Variants in MCU observed in about 807,000 individuals in gnomAD.
MCU encodes the protein calcium uniporter protein, mitochondrial.
In MCU, 12 loss-of-function variants were observed where a neutral mutation model predicts 45.2. That is an observed-to-expected ratio of 0.27 (90% CI 0.17 to 0.43). The LOEUF (loss-of-function observed/expected upper bound fraction) is 0.43. Ranked by LOEUF, MCU falls within the 20% of genes least tolerant of loss-of-function variation. The probability of loss-of-function intolerance (pLI) is 1.00; values close to 1 mark genes in which losing one functional copy is unlikely to be tolerated. For missense variants in MCU, 324 were observed against 436.7 expected (o/e 0.74, Z 2.30); for synonymous variants, 160 against 165.1 (o/e 0.97, Z 0.24).
At chr10:72,877,084 G>A (rs752001649) in intron 6 of MCU, among the ~76,000 whole-genome samples, 1 of 151,972 alleles carries the variant, frequency 6.6e-6, no homozygotes, top group Non-Finnish European at 1.5e-5. Context: ...ACCATGCCCA[G>A]CTAATTTTTT....
chr10:72,723,172 G>A lies in MCU; in HGVS notation c.150+30871G>A, dbSNP rs181505667. 2.1e-4 allele frequency among the ~76,000 whole-genome samples: 32 copies of A among 152,244 alleles called. No individual in the cohort carries two copies. The East Asian group carries it at 5.8e-3, about 28-fold the overall frequency. On this transcript the variant is annotated intron_variant, in intron 1 of 7. Coordinates refer to ENST00000373053, the MANE Select transcript of MCU (RefSeq NM_138357.3). ...GATTGGGCCACTGCACTCCAGCCTG[G>A]GCGACAGAGCGAGATTCTGTCTTAA...
chr10:72,790,976 G>T (rs1360253590), intron 1 of MCU, among the ~76,000 whole-genome samples: 1 of 152,104 alleles, frequency 6.6e-6, no homozygotes, highest in South Asian at 2.1e-4. Context: ...TGCTCTATTC[G>T]TATATAATTA....
chr10:72,717,447 C>T (rs577762459), intron 1 of MCU, among the ~76,000 whole-genome samples: 11 of 152,010 alleles, frequency 7.2e-5, no homozygotes, highest in Admixed American at 3.3e-4. Context: ...TTAGTAGAGA[C>T]GGGCTTTCAC....
At chr10:72,740,424 G>A (rs1453087002) in intron 1 of MCU, among the ~76,000 whole-genome samples, 2 of 151,724 alleles carry the variant, frequency 1.3e-5, no homozygotes, top group East Asian at 3.9e-4. Context: ...CTCACTTCTG[G>A]TGTGAACCTG....
intron 1 of MCU, among the ~76,000 whole-genome samples, chr10:72,803,083 G>A (rs1723008755): frequency 1.3e-5 from 2 of 152,076 alleles, no homozygotes; most frequent in African/African-American, 4.8e-5. Flanking sequence ...GAGAAGATAG[G>A]CTTAAAACAG....
At chr10:72,875,110 T>C (rs185120600) in intron 6 of MCU, among the ~76,000 whole-genome samples, 3 of 152,260 alleles carry the variant, frequency 2.0e-5, no homozygotes, top group Admixed American at 6.5e-5. Context: ...TGCCCAAACA[T>C]TATATCTAGT....
At chr10:72,712,764 A>C (rs1001119854) in intron 1 of MCU, among the ~76,000 whole-genome samples, 2 of 152,232 alleles carry the variant, frequency 1.3e-5, no homozygotes, top group African/African-American at 2.4e-5. Context: ...CTTTGAAGTC[A>C]TTGTTTTAAA....
At chr10:72,880,577 T>C (rs1208217794) in intron 6 of MCU, among the ~76,000 whole-genome samples, 1 of 152,038 alleles carries the variant, frequency 6.6e-6, no homozygotes, top group African/African-American at 2.4e-5. Context: ...TTCAGTACAA[T>C]CCCAGTTAGT....
chr10:72,822,263 C>T (rs559734538), intron 1 of MCU, among the ~76,000 whole-genome samples: 4 of 152,216 alleles, frequency 2.6e-5, no homozygotes, highest in East Asian at 1.9e-4. Context: ...CAGAACGAGA[C>T]TCCTCTAAAT....
chr10:72,709,583 GT>G (rs148389525), intron 1 of MCU, among the ~76,000 whole-genome samples: 2 of 150,406 alleles, frequency 1.3e-5, no homozygotes, highest in African/African-American at 2.4e-5. Context: ...ATTTTCTGGT[GT>G]TTTTTTTTCT....
intron 1 of MCU, among the ~76,000 whole-genome samples, chr10:72,767,222 G>A (rs1306219016): frequency 6.6e-6 from 1 of 151,888 alleles, no homozygotes; most frequent in Non-Finnish European, 1.5e-5. Flanking sequence ...GACTTCAGGA[G>A]TTTCCAAATT....
chr10:72,693,080 A>T, intron 1 of MCU: 1 of 1,536,038 alleles, frequency 6.5e-7, no homozygotes, highest in Non-Finnish European at 8.7e-7. Flanking sequence ...AGTTGTTGAC[A>T]GAGGCAGAGA....
At chr10:72,781,158 G>T (rs1018080661) in intron 1 of MCU, among the ~76,000 whole-genome samples, 1 of 152,144 alleles carries the variant, frequency 6.6e-6, no homozygotes, top group African/African-American at 2.4e-5. Flanking sequence ...TATAGAATCT[G>T]GTGTGTTGTT....
At chr10:72,814,886 TAGG>T (rs1371986992) in intron 1 of MCU, among the ~76,000 whole-genome samples, 1 of 151,850 alleles carries the variant, frequency 6.6e-6, no homozygotes, top group African/African-American at 2.4e-5. Context: ...AATAAGGCAA[TAGG>T]AGGAGATGAA....
At chr10:72,819,056 A>G (rs1281786670) in intron 1 of MCU, among the ~76,000 whole-genome samples, 1 of 152,172 alleles carries the variant, frequency 6.6e-6, no homozygotes, top group African/African-American at 2.4e-5. Flanking sequence ...AGAACAATAG[A>G]TAAGATATTT....
At chr10:72,719,078 G>GA (rs1259274378) in intron 1 of MCU, among the ~76,000 whole-genome samples, 1 of 152,026 alleles carries the variant, frequency 6.6e-6, no homozygotes, top group Non-Finnish European at 1.5e-5. Flanking sequence ...TTCATTTTGT[G>GA]AAAAAATTAT....
chr10:72,839,839 C>T (rs2132842443), intron 2 of MCU, among the ~76,000 whole-genome samples: 2 of 151,648 alleles, frequency 1.3e-5, no homozygotes, highest in East Asian at 3.9e-4. Context: ...TGGCAGGAGC[C>T]TGTAGTCCCA....
chr10:72,722,316 CAAAAAAAAAAAAAA>C (rs35164146), intron 1 of MCU, among the ~76,000 whole-genome samples: 1 of 20,160 alleles, frequency 5.0e-5, no homozygotes, highest in South Asian at 2.8e-3. Context: ...AACTCCATCT[CAAAAAAAAAAAAAA>C]AAAAAAAAAA....
chr10:72,714,884 G>C (rs2132665356), intron 1 of MCU, among the ~76,000 whole-genome samples: 1 of 152,264 alleles, frequency 6.6e-6, no homozygotes, highest in South Asian at 2.1e-4. Flanking sequence ...AAGTATTTTA[G>C]AGTTTCTTAC....
Sources: allele counts gnomAD v4.1 joint callset (sites outside exome capture counted in the v4.1 genomes callset), GRCh38; gene constraint gnomAD v4.1.1; transcripts MANE v1.5; gene names NCBI Gene and HGNC (gene_info 2026-07-23, HGNC 2026-07-21).